Variants in RPS29 observed in about 807,000 individuals in gnomAD.
RPS29 encodes the protein small ribosomal subunit protein uS14.
For missense variants in RPS29, 60 were observed against 75.7 expected, an observed-to-expected ratio of 0.79 and a Z score of 0.77; for synonymous variants, 37 against 26.9, an observed-to-expected ratio of 1.37 and a Z score of -1.16.
chr14:49,582,270 G>T (rs1272513775), downstream of RPS29, among the ~76,000 whole-genome samples: 1 of 152,048 alleles, frequency 6.6e-6, no homozygotes, highest in Non-Finnish European at 1.5e-5. Context: ...CTCTACAAAA[G>T]TAAGTTTCCA....
At chr14:49,594,234 C>A (rs1405467402) in intron 1 of RPS29, among the ~76,000 whole-genome samples, 1 of 152,126 alleles carries the variant, frequency 6.6e-6, no homozygotes, top group Non-Finnish European at 1.5e-5. Flanking sequence ...CATCTTTTTA[C>A]TGACCACAAG....
downstream of RPS29, among the ~76,000 whole-genome samples, chr14:49,581,982 G>A (rs1459667068): frequency 1.4e-5 from 2 of 140,698 alleles, no homozygotes; most frequent in African/African-American, 5.6e-5. Flanking sequence ...CTGCACTCCA[G>A]CTTGGGTGAT....
chr14:49,577,067 C>A (rs1881202331), exon 3 of RPS29: 3 of 152,230 alleles, frequency 2.0e-5, no homozygotes, highest in Admixed American at 2.0e-4. Flanking sequence ...GAGGATGAAA[C>A]CCCATCTCTA....
At chr14:49,582,532 T>A (rs548231230), downstream of RPS29, among the ~76,000 whole-genome samples, 1 of 152,242 alleles carries the variant, frequency 6.6e-6, no homozygotes, top group Non-Finnish European at 1.5e-5. Flanking sequence ...TGCACATTAT[T>A]ATGTATTGCT....
intron 1 of RPS29, among the ~76,000 whole-genome samples, chr14:49,591,689 C>T (rs867404330): frequency 9.3e-5 from 13 of 139,148 alleles, no homozygotes; most frequent in South Asian, 4.5e-4. Flanking sequence ...GGCGTGATCT[C>T]GGCTCACTGC....
Position 49,577,883 on chromosome 14 carries a change from G to A in RPS29, c.163-30C>T, listed in dbSNP as rs1003159188. On this transcript the variant is annotated intron_variant, in intron 2 of 2. Coordinates refer to the RPS29 transcript ENST00000396020. ...AATGGTAAAAGAGGACCCATAAAAA[G>A]TGAAAAAGCAATGATGCCCAACCAA... 4.5e-6 allele frequency: 7 copies of A among 1,550,852 alleles called. No homozygotes were observed. In the African/African-American group the frequency reaches 9.6e-5, roughly 21 times the overall value.
chr14:49,590,075 C>T (rs904707398), upstream of RPS29, among the ~76,000 whole-genome samples: 6 of 152,114 alleles, frequency 3.9e-5, no homozygotes, highest in Admixed American at 3.3e-4. Flanking sequence ...TCGAAAAGTA[C>T]CTATTAGGTA....
At chr14:49,595,712 T>C (rs771249760) in intron 1 of RPS29, among the ~76,000 whole-genome samples, 11 of 152,022 alleles carry the variant, frequency 7.2e-5, no homozygotes, top group Non-Finnish European at 1.5e-5. Flanking sequence ...AAATGAAAAG[T>C]TGAAAGAAAT....
exon 3 of RPS29, chr14:49,575,666 G>A (rs1208579687): frequency 3.3e-5 from 5 of 152,090 alleles, no homozygotes; most frequent in African/African-American, 9.7e-5. Context: ...GAGCAACATG[G>A]TGAGACTTCC....
At chr14:49,582,698 ACAC>A (rs1881376546), downstream of RPS29, among the ~76,000 whole-genome samples, 1 of 152,230 alleles carries the variant, frequency 6.6e-6, no homozygotes, top group Admixed American at 6.5e-5. Context: ...GTTCAAATGT[ACAC>A]CAATTCAGGA....
chr14:49,586,141 C>CTACTACCCGCATCCCGGGACT, intron 1 of RPS29, 92 bp from the exon 2 acceptor site: 1 of 1,411,816 alleles, frequency 7.1e-7, no homozygotes, highest in Non-Finnish European at 1.0e-6. Flanking sequence ...GACTCCCAAG[C>CTACTACCCGCATCCCGGGACT]CACAGTACAG....
At chr14:49,595,751 G>A (rs1412639863) in intron 1 of RPS29, among the ~76,000 whole-genome samples, 10 of 152,074 alleles carry the variant, frequency 6.6e-5, no homozygotes, top group South Asian at 4.2e-4. Flanking sequence ...GGTGGCTCAC[G>A]CCTGTAATCC....
rs1294749369 is a variant in RPS29 at position 49,583,645 on chromosome 14, T to A, written c.*22A>T. The stretch of plus-strand genomic sequence containing the variant: ...TTTTTCATTGAGTAGATGCCCCGGA[T>A]AATCCTCTGAAGGAAGAGCATTTAG... On this transcript the variant is annotated 3_prime_UTR_variant, in exon 3 of 3. Coordinates refer to ENST00000245458, the MANE Select transcript of RPS29 (RefSeq NM_001032.5). 1.4e-5 allele frequency: 22 copies of A among 1,583,124 alleles called. No homozygotes were observed. Among genetic ancestry groups the A allele is most frequent in the Non-Finnish European group, 1.8e-5 (21 of 1,164,538 alleles).
At chr14:49,591,713 C>T (rs1485231584) in intron 1 of RPS29, among the ~76,000 whole-genome samples, 3 of 150,766 alleles carry the variant, frequency 2.0e-5, no homozygotes, top group Non-Finnish European at 3.0e-5. Flanking sequence ...CTCTGCTTCC[C>T]GGGTTCAAAC....
chr14:49,574,226 A>G (rs951336534), exon 3 of RPS29: 1 of 152,172 alleles, frequency 6.6e-6, no homozygotes, highest in African/African-American at 2.4e-5. Context: ...ATGGAGTCTC[A>G]GTCTACACGA....
At chr14:49,596,541 T>C (rs1167181002) in intron 1 of RPS29, among the ~76,000 whole-genome samples, 2 of 152,114 alleles carry the variant, frequency 1.3e-5, no homozygotes, top group Non-Finnish European at 2.9e-5. Context: ...AAGGGGAGGA[T>C]GTGGAAAGGG....
In RPS29 at chr14:49,586,069, G is replaced by T. The variant is rs377176404; in HGVS notation, c.63-20C>A. The T allele has an allele frequency of 2.9e-5, 46 of 1,600,272 alleles. No homozygotes were observed. The highest frequency in any genetic ancestry group is 6.7e-5 in the Admixed American group (4 of 59,832). On this transcript the variant is annotated intron_variant, in intron 1 of 2. Coordinates refer to ENST00000245458, the MANE Select transcript of RPS29 (RefSeq NM_001032.5). The stretch of plus-strand genomic sequence containing the variant: ...ACACGACTGTAAGAAAAGAGACAGC[G>T]GTTTTGCAGGTCATAGAAATTACAA...
At chr14:49,594,995 C>G (rs1881788557) in intron 1 of RPS29, among the ~76,000 whole-genome samples, 1 of 152,158 alleles carries the variant, frequency 6.6e-6, no homozygotes, top group Non-Finnish European at 1.5e-5. Context: ...CTTCCTTTTA[C>G]CCTTCCCTCA....
intron 2 of RPS29, chr14:49,585,269 G>C (rs1252882162): frequency 6.6e-6 from 1 of 151,964 alleles, no homozygotes; most frequent in Non-Finnish European, 1.5e-5. Context: ...TCAGGAGGCT[G>C]AGGCAGGAGA....
Sources: allele counts gnomAD v4.1 joint callset (sites outside exome capture counted in the v4.1 genomes callset), GRCh38; gene constraint gnomAD v4.1.1; transcripts MANE v1.5; gene names NCBI Gene and HGNC (gene_info 2026-07-23, HGNC 2026-07-21).